STX12: variants seen among roughly 807,000 people sequenced by gnomAD.
STX12 encodes the protein syntaxin 12.
In STX12, 17 loss-of-function variants were observed where a neutral mutation model predicts 42.2. The observed-to-expected ratio is 0.40, with a 90% CI of 0.28 to 0.60. The LOEUF (loss-of-function observed/expected upper bound fraction) is 0.60, where lower values mean the gene tolerates loss of function less well. STX12 is among the 20% of genes least tolerant of loss of function. The pLI, the probability that STX12 is intolerant of heterozygous loss-of-function variation, is 0.39. For synonymous variants in STX12, 108 were observed against 116.7 expected (o/e 0.93, Z 0.48); for missense variants, 297 against 330.9 (o/e 0.90, Z 0.79).
chr1:27,816,356 C>T (rs1012461285), intron 6 of STX12, among the ~76,000 whole-genome samples: 1 of 151,750 alleles, frequency 6.6e-6, no homozygotes, highest in Non-Finnish European at 1.5e-5. Context: ...CGACTGTAAT[C>T]CCATCTACTG....
chr1:27,779,591 G>C (rs2064071), intron 1 of STX12, among the ~76,000 whole-genome samples: 26,031 of 151,528 alleles, frequency 0.17, 5,951 homozygotes, highest in African/African-American at 0.52. Flanking sequence ...CTCGGCCTCC[G>C]AAAGTGCTGG....
rs560121231 is a variant in STX12, at chr1:27,816,903, A to G, written c.577-948A>G. The stretch of plus-strand genomic sequence containing the variant: ...TGCACTCCAGCCTGGGTGACAGAGC[A>G]AGACTCTGTCTCAAAAAAAAAAGAA... On this transcript the variant is annotated intron_variant, in intron 6 of 8. Coordinates refer to ENST00000373943, the MANE Select transcript of STX12 (RefSeq NM_177424.3). 3.3e-5 allele frequency among the ~76,000 whole-genome samples: 5 copies of G among 149,740 alleles called. No homozygotes were observed. In the South Asian group the frequency reaches 1.1e-3, roughly 32 times the overall value.
At chr1:27,796,698 A>G (rs1478621609) in intron 3 of STX12, among the ~76,000 whole-genome samples, 1 of 150,462 alleles carries the variant, frequency 6.6e-6, no homozygotes, top group Non-Finnish European at 1.5e-5. Flanking sequence ...GGCCCTTTGT[A>G]AAGAGTTTTT....
chr1:27,778,079 A>G (rs1351156536), intron 1 of STX12, among the ~76,000 whole-genome samples: 1 of 152,070 alleles, frequency 6.6e-6, no homozygotes, highest in Non-Finnish European at 1.5e-5. Context: ...TATTACCCAC[A>G]CACCCATACA....
At chr1:27,820,028 A>G (rs367814068) in intron 8 of STX12, 7 of 225,964 alleles carry the variant, frequency 3.1e-5, no homozygotes, top group Admixed American at 2.1e-4. Context: ...AGCTGAATGT[A>G]TTTCAATTAG....
At chr1:27,802,312 T>A (rs1260892300) in intron 4 of STX12, among the ~76,000 whole-genome samples, 3 of 152,190 alleles carry the variant, frequency 2.0e-5, no homozygotes, top group East Asian at 1.9e-4. Context: ...AGTTTTGATA[T>A]CCTCATGGCA....
At position 27,808,254 on chromosome 1, in the gene STX12, A is replaced by G. The variant is rs142108014; in HGVS notation, c.427-1992A>G. ...TGCTTGTCCTGTATTGCTATTATAA[A>G]AAGGGTAAGCTTTTTAAAAATGAAA... On this transcript the variant is annotated intron_variant, in intron 4 of 8. Coordinates refer to ENST00000373943, the MANE Select transcript of STX12 (RefSeq NM_177424.3). 1.8e-3 allele frequency among the ~76,000 whole-genome samples: 275 copies of G among 152,166 alleles called. 1 individual carries two copies. The highest frequency in any genetic ancestry group is 6.4e-3 in the African/African-American group (268 of 41,556).
At position 27,810,039 on chromosome 1, in the gene STX12, C is replaced by T. The variant is rs1217195637; in HGVS notation, c.427-207C>T. 6.0e-6 allele frequency: 3 copies of T among 501,120 alleles called. No homozygotes were observed. In the Admixed American group the frequency reaches 1.0e-4, roughly 17 times the overall value. The allele number at this position is 501,120 out of a possible 1,614,324, so 31.0% of individuals were successfully genotyped here. ...CACCCTGTTCAGTATGGTTTCTGTT[C>T]AGGACTCAAACTGGAATGCAGATTT... On this transcript the variant is annotated intron_variant, in intron 4 of 8. Coordinates refer to ENST00000373943, the MANE Select transcript of STX12 (RefSeq NM_177424.3).
In STX12 at chr1:27,799,697, T is replaced by G. The variant is rs534346291; in HGVS notation, c.289-1981T>G. On this transcript the variant is annotated intron_variant, in intron 3 of 8. Coordinates refer to ENST00000373943, the MANE Select transcript of STX12 (RefSeq NM_177424.3). The stretch of plus-strand genomic sequence containing the variant: ...ACATGGTTTCACCATGTTAGCCAGA[T>G]GGTCTCCATCTCCTGGCCTCGTGAT... 4.6e-5 allele frequency among the ~76,000 whole-genome samples: 7 copies of G among 152,162 alleles called. No homozygotes were observed. In the South Asian group the frequency reaches 1.5e-3, roughly 32 times the overall value.
intron 3 of STX12, 83 bp downstream of exon 3, chr1:27,793,715 GT>G (rs1167477544): frequency 1.7e-6 from 2 of 1,178,562 alleles, no homozygotes; most frequent in African/African-American, 3.1e-5. Context: ...AAAAAAATAA[GT>G]TGGCCTTTGG....
chr1:27,794,220 T>G (rs1042488068), intron 3 of STX12, among the ~76,000 whole-genome samples: 1 of 152,108 alleles, frequency 6.6e-6, no homozygotes, highest in Non-Finnish European at 1.5e-5. Flanking sequence ...ACAGACATGG[T>G]CTTGCTTTGT....
At chr1:27,821,846 C>T (rs534532204) in intron 8 of STX12, among the ~76,000 whole-genome samples, 5 of 152,106 alleles carry the variant, frequency 3.3e-5, no homozygotes, top group East Asian at 1.9e-4. Context: ...GGTGAAACCC[C>T]GTCTCTACTA....
intron 4 of STX12, among the ~76,000 whole-genome samples, chr1:27,808,400 G>A (rs966421501): frequency 6.6e-6 from 1 of 151,362 alleles, no homozygotes; most frequent in Non-Finnish European, 1.5e-5. Flanking sequence ...GTAGTGCAGT[G>A]GCACGATCTT....
rs1003197314 is a variant in STX12 at position 27,824,418 on chromosome 1, T to G, written c.*2089T>G. The G allele has an allele frequency of 1.3e-5, 2 of 152,198 alleles. No individual in the cohort carries two copies. The highest frequency in any genetic ancestry group is 2.9e-5 in the Non-Finnish European group (2 of 68,038). The allele number at this position is 152,198 out of a possible 1,614,324, so 9.4% of individuals were successfully genotyped here. On this transcript the variant is annotated 3_prime_UTR_variant, in exon 9 of 9. Transcript: ENST00000373943. ...TAGTTGCCAAAGAGGTTCTCCTAGG[T>G]GGTCTTAATAAACCTATTCACAGAA...
intron 7 of STX12, among the ~76,000 whole-genome samples, chr1:27,818,250 A>G (rs1428864699): frequency 2.0e-5 from 3 of 152,098 alleles, no homozygotes; most frequent in Non-Finnish European, 2.9e-5. Flanking sequence ...GCCTGGTGGC[A>G]TGCACCTGTA....
chr1:27,806,220 C>G (rs2088862005), intron 4 of STX12, among the ~76,000 whole-genome samples: 1 of 152,144 alleles, frequency 6.6e-6, no homozygotes, highest in South Asian at 2.1e-4. Context: ...TCATTGGCAA[C>G]AAACACCCTC....
chr1:27,814,035 A>G (rs6686066), intron 6 of STX12, among the ~76,000 whole-genome samples: 18,824 of 152,036 alleles, frequency 0.12, 3,878 homozygotes, highest in African/African-American at 0.43. Context: ...TGAGTAGCAA[A>G]GATTATAGGT....
intron 5 of STX12, among the ~76,000 whole-genome samples, chr1:27,811,772 G>T (rs548266195): frequency 8.5e-5 from 13 of 152,228 alleles, no homozygotes; most frequent in Admixed American, 7.8e-4. Context: ...AGTACTGAAG[G>T]TACTAATGCA....
intron 6 of STX12, among the ~76,000 whole-genome samples, chr1:27,816,840 C>T (rs749928591): frequency 1.3e-5 from 2 of 151,324 alleles, no homozygotes; most frequent in Non-Finnish European, 2.9e-5. Flanking sequence ...TGCTTGAATC[C>T]GGGAGGTGGA....
Sources: gnomAD v4.1 joint callset for allele counts (sites outside exome capture counted in the v4.1 genomes callset) on GRCh38, gnomAD v4.1.1 for gene constraint, MANE v1.5 for transcripts, NCBI Gene and HGNC (gene_info 2026-07-23, HGNC 2026-07-21) for gene names.